Variants in ZFP2 observed in about 807,000 individuals in gnomAD.
ZFP2 encodes the protein zinc finger protein ZFP2.
A neutral mutation model predicts 36.1 loss-of-function variants in ZFP2; 33 were observed. The ratio of observed to expected loss-of-function variants is 0.92; its 90% CI spans 0.69 to 1.22. ZFP2 has a LOEUF of 1.22. Among genes scored for constraint, ZFP2 ranks in the 50% most tolerant of loss-of-function variants. ZFP2 has a pLI of 0.00. For synonymous variants in ZFP2, 170 were observed against 178.0 expected (o/e 0.96, Z 0.36); for missense variants, 522 against 551.4 (o/e 0.95, Z 0.53).
rs1758572371 is a variant in ZFP2, at chr5:178,922,164, C to T, written c.-78+5454C>T. 13 of 1,131,302 alleles carry T rather than the reference C, an allele frequency of 1.1e-5. 1 individual carries two copies. The Admixed American group carries it at 1.9e-4, about 16-fold the overall frequency. The allele number at this position is 1,131,302 out of a possible 1,614,324, so 70.1% of individuals were successfully genotyped here. A position where few individuals can be genotyped will look rare whatever the true frequency, so the allele number is the denominator to read the frequency against. On this transcript the variant is annotated intron_variant, in intron 4 of 4. Transcript: ENST00000361362. ...ATTCCATCACTCTTCTTGGAGAACTCCTCAATATTGGAAACACACTTGACA... is the reference window on the plus strand; with the variant it reads ...ATTCCATCACTCTTCTTGGAGAACTTCTCAATATTGGAAACACACTTGACA...
rs1169876491 is a variant in ZFP2 at position 178,925,191 on chromosome 5, C to A, written c.-77-6046C>A. ...TATACATATACATATATATTATGTG[C>A]CTTTGCTTATTCATTCATATTGATA... On this transcript the variant is annotated intron_variant, in intron 4 of 4. Transcript: ENST00000361362. 2.1e-5 allele frequency among the ~76,000 whole-genome samples: 3 copies of A among 144,456 alleles called. 1 individual carries two copies. The highest frequency in any genetic ancestry group is 3.1e-5 in the Non-Finnish European group (2 of 65,170). The allele number at this position is 144,456 out of a possible 152,430, so 94.8% of individuals were successfully genotyped here.
At chr5:178,904,994 C>T (rs1758139543) in intron 1 of ZFP2, among the ~76,000 whole-genome samples, 1 of 152,248 alleles carries the variant, frequency 6.6e-6, no homozygotes, top group East Asian at 1.9e-4. Context: ...AGCCACTGCG[C>T]CCGGCCCATT....
chr5:178,918,644 T>A (rs1012770223), intron 4 of ZFP2, among the ~76,000 whole-genome samples: 8 of 152,198 alleles, frequency 5.3e-5, no homozygotes, highest in African/African-American at 1.9e-4. Context: ...AGAAAAAGCA[T>A]TCCAAGCCGT....
At chr5:178,915,264 C>T (rs1758395078) in intron 3 of ZFP2, among the ~76,000 whole-genome samples, 1 of 151,648 alleles carries the variant, frequency 6.6e-6, no homozygotes. Flanking sequence ...TTTTCATCTC[C>T]CACTTCTTTA....
chr5:178,931,233 TCA>T lies in ZFP2; in HGVS notation c.-77-3_-77-2del. On this transcript the variant is annotated splice_acceptor_variant and splice_polypyrimidine_tract_variant and intron_variant, in intron 4 of 4. Coordinates refer to ENST00000361362, the MANE Select transcript of ZFP2 (RefSeq NM_030613.4). LOFTEE classifies it low-confidence loss of function (5UTR_SPLICE). ...TGTGCATTTGAATTTTTTTTTTTTT[TCA>T]GACTGGGAGACAAGACTTGAAACCA... 1 of 1,498,608 alleles carries T rather than the reference TCA, an allele frequency of 6.7e-7. No homozygotes were observed. Among genetic ancestry groups the T allele is most frequent in the Non-Finnish European group, 8.9e-7 (1 of 1,128,044 alleles). The allele number at this position is 1,498,608 out of a possible 1,614,324, so 92.8% of individuals were successfully genotyped here.
Position 178,931,623 on chromosome 5 carries a change from T to G in ZFP2, c.310T>G (p.Cys104Gly), listed in dbSNP as rs770816292. 3.7e-6 allele frequency: 6 copies of G among 1,614,182 alleles called. No individual in the cohort carries two copies. In the South Asian group the frequency reaches 5.5e-5, roughly 15 times the overall value. ...RMFVGKKIYECNQCSKTFSQS... is the reference protein window; with the variant it reads ...RMFVGKKIYEGNQCSKTFSQS... ...GTTTGTAGGAAAGAAGATCTATGAA[T>G]GTAATCAGTGCAGCAAAACCTTCAG... The change falls in exon 5 of 5, where the codon TGT (cysteine) becomes GGT (glycine). Residue 104 changes from cysteine (C) to glycine (G), a missense_variant. Cys to Gly is a radical substitution (Grantham distance 159, BLOSUM62 -3). Coordinates refer to ENST00000361362, the MANE Select transcript of ZFP2 (RefSeq NM_030613.4).
At chr5:178,911,797 C>A (rs764969401) in intron 1 of ZFP2, among the ~76,000 whole-genome samples, 1 of 152,234 alleles carries the variant, frequency 6.6e-6, no homozygotes, top group African/African-American at 2.4e-5. Context: ...ATTATCTATT[C>A]TTATTTCCAT....
In ZFP2 at chr5:178,932,614, G is replaced by A. The variant is rs1425971366; in HGVS notation, c.1301G>A (p.Gly434Glu). The change falls in exon 5 of 5, where the codon GGA (glycine) becomes GAA (glutamate). Residue 434 changes from glycine to glutamate, a missense_variant. Coordinates refer to ENST00000361362, the MANE Select transcript of ZFP2 (RefSeq NM_030613.4). ...SLTVHQRTHTGEKPYQCNECG... is the reference protein window; with the variant it reads ...SLTVHQRTHTEEKPYQCNECG... ...ACAGTGCATCAGAGAACTCATACAG[G>A]AGAGAAACCCTATCAGTGTAATGAA... 6 of 1,614,026 alleles carry A rather than the reference G, an allele frequency of 3.7e-6. No individual in the cohort carries two copies. The highest frequency in any genetic ancestry group is 2.2e-5 in the East Asian group (1 of 44,894).
At chr5:178,896,380 C>G (rs1477654173) in intron 1 of ZFP2, among the ~76,000 whole-genome samples, 1 of 152,226 alleles carries the variant, frequency 6.6e-6, no homozygotes, top group Admixed American at 6.5e-5. Context: ...CCGCGCGCAG[C>G]TTTGTCCCGG....
chr5:178,902,786 G>A (rs1298353913), intron 1 of ZFP2, among the ~76,000 whole-genome samples: 2 of 152,232 alleles, frequency 1.3e-5, no homozygotes, highest in East Asian at 1.9e-4. Context: ...GACTACAAAA[G>A]CCCATAAAAG....
intron 4 of ZFP2, 114 bp from the exon 5 acceptor site, chr5:178,931,123 G>A (rs1042821370): frequency 4.5e-5 from 53 of 1,189,822 alleles, no homozygotes; most frequent in Non-Finnish European, 5.7e-5. Flanking sequence ...TCTCAAATGT[G>A]CTCAGCAGTT....
intron 1 of ZFP2, among the ~76,000 whole-genome samples, chr5:178,897,996 C>CT (rs534531811): frequency 2.8e-3 from 425 of 151,190 alleles, no homozygotes; most frequent in African/African-American, 9.7e-3. Flanking sequence ...TAGTGAACTT[C>CT]TTTTTTTTTA....
At chr5:178,907,472 C>G (rs1758190961) in intron 1 of ZFP2, among the ~76,000 whole-genome samples, 1 of 151,654 alleles carries the variant, frequency 6.6e-6, no homozygotes, top group Non-Finnish European at 1.5e-5. Flanking sequence ...AAAGTTGACT[C>G]CTGGGGGTTA....
At chr5:178,896,979 G>A (rs1166665547) in intron 1 of ZFP2, among the ~76,000 whole-genome samples, 2 of 151,858 alleles carry the variant, frequency 1.3e-5, no homozygotes, top group Non-Finnish European at 2.9e-5. Flanking sequence ...GAGTGTGAGG[G>A]AAAGTATGGA....
chr5:178,931,494 CT>C lies in ZFP2; in HGVS notation c.183del (p.Asp62IlefsTer9). On this transcript the variant is annotated frameshift_variant, in exon 5 of 5. Transcript: ENST00000361362. LOFTEE classifies it high-confidence loss of function. ...AAGATGTTCCAGTCAGGATTCAATC[CT>C]TGATACACAGCAAAGCATTCCTATG... is the stretch of plus-strand genomic sequence containing the variant. The part of the protein sequence containing the change: ...FERCSSQDSI[L>X]DTQQSIPMVK... The C allele has an allele frequency of 3.7e-6, 6 of 1,614,118 alleles. No homozygotes were observed. Among genetic ancestry groups the C allele is most frequent in the Non-Finnish European group, 5.1e-6 (6 of 1,180,008 alleles).
Position 178,932,787 on chromosome 5 carries a change from T to C in ZFP2, c.*88T>C. 6.9e-7 allele frequency: 1 copy of C among 1,454,668 alleles called. No homozygotes were observed. The highest frequency in any genetic ancestry group is 9.2e-7 in the Non-Finnish European group (1 of 1,090,554). The allele number at this position is 1,454,668 out of a possible 1,614,324, so 90.1% of individuals were successfully genotyped here. On this transcript the variant is annotated 3_prime_UTR_variant, in exon 5 of 5. Transcript: ENST00000361362. ...CAATGTAGAAACCTAATAAATGTAA[T>C]GATTGTGGGAATCTTTCAGTTGAAG...
At chr5:178,903,049 C>T (rs369858139) in intron 1 of ZFP2, among the ~76,000 whole-genome samples, 71 of 152,270 alleles carry the variant, frequency 4.7e-4, no homozygotes, top group African/African-American at 1.7e-3. Flanking sequence ...GTTGCTGCTT[C>T]TCTGAATTAC....
At chr5:178,929,302 C>A (rs1474566680) in intron 4 of ZFP2, among the ~76,000 whole-genome samples, 1 of 152,208 alleles carries the variant, frequency 6.6e-6, no homozygotes, top group Non-Finnish European at 1.5e-5. Context: ...ATGGGCTTTT[C>A]TTTTCTACCA....
chr5:178,896,286 G>A (rs750427484), intron 1 of ZFP2, among the ~76,000 whole-genome samples: 2 of 152,220 alleles, frequency 1.3e-5, no homozygotes. Context: ...CTCGAACAAG[G>A]GCCACGCCGG....
Sources: gnomAD v4.1 joint callset for allele counts (sites outside exome capture counted in the v4.1 genomes callset) on GRCh38, gnomAD v4.1.1 for gene constraint, MANE v1.5 for transcripts, NCBI Gene and HGNC (gene_info 2026-07-23, HGNC 2026-07-21) for gene names.